ANK2: variants seen among roughly 807,000 people sequenced by gnomAD.
ANK2 encodes ankyrin-2.
Under a neutral mutation model 360.5 loss-of-function variants are expected in ANK2, and 83 were observed. The ratio of observed to expected loss-of-function variants is 0.23; its 90% CI spans 0.19 to 0.28. ANK2 has a LOEUF of 0.28. ANK2 is among the 10% of genes least tolerant of loss of function. The pLI, the probability that ANK2 is intolerant of heterozygous loss-of-function variation, is 1.00. For missense variants in ANK2, 4,201 were observed against 4,795.7 expected (o/e 0.88, Z 3.66); for synonymous variants, 1,740 against 1,759.5 (o/e 0.99, Z 0.28).
At chr4:112,844,159 G>A (rs1185712210) in intron 1 of ANK2, among the ~76,000 whole-genome samples, 1 of 152,094 alleles carries the variant, frequency 6.6e-6, no homozygotes, top group Non-Finnish European at 1.5e-5. Context: ...TCCCTATTTT[G>A]AGAAGGTAAA....
the ANK2 span, among the ~76,000 whole-genome samples, chr4:112,713,381 C>A: frequency 6.6e-6 from 1 of 152,150 alleles, no homozygotes; most frequent in Non-Finnish European, 1.5e-5. Context: ...AGCAGCCTGA[C>A]CAACATGGAG....
At chr4:113,323,557 TATA>T (rs1317433626) in intron 26 of ANK2, among the ~76,000 whole-genome samples, 1 of 152,160 alleles carries the variant, frequency 6.6e-6, no homozygotes, top group East Asian at 1.9e-4. Context: ...CCAGTGATTT[TATA>T]ATATCCCCAG....
chr4:113,295,658 A>G (rs974651123), intron 22 of ANK2, among the ~76,000 whole-genome samples: 2 of 152,154 alleles, frequency 1.3e-5, no homozygotes, highest in Non-Finnish European at 2.9e-5. Context: ...CTTAGAATTC[A>G]AGTTTCTAGG....
At chr4:113,100,475 C>T (rs1363609760) in intron 1 of ANK2, among the ~76,000 whole-genome samples, 4 of 152,054 alleles carry the variant, frequency 2.6e-5, no homozygotes, top group African/African-American at 9.7e-5. Flanking sequence ...ACTGGCAATA[C>T]TGAATGCTGG....
At chr4:112,997,136 A>T (rs2048836440) in intron 2 of ANK2, among the ~76,000 whole-genome samples, 2 of 152,144 alleles carry the variant, frequency 1.3e-5, no homozygotes, top group African/African-American at 4.8e-5. Context: ...TTGACAAATA[A>T]ACATTGTATA....
At chr4:112,742,978 C>T in the ANK2 span, among the ~76,000 whole-genome samples, 8 of 152,136 alleles carry the variant, frequency 5.3e-5, no homozygotes, top group Non-Finnish European at 1.0e-4. Context: ...TTCTGAGATC[C>T]GTCAGGACTA....
the ANK2 span, among the ~76,000 whole-genome samples, chr4:112,757,111 TC>T: frequency 2.0e-5 from 3 of 150,744 alleles, no homozygotes; most frequent in Non-Finnish European, 4.4e-5. Context: ...ACTTTTCTTT[TC>T]TTTTTTTTTT....
intron 37 of ANK2, among the ~76,000 whole-genome samples, chr4:113,351,055 A>T (rs1466690470): frequency 6.6e-6 from 1 of 152,126 alleles, no homozygotes; most frequent in Non-Finnish European, 1.5e-5. Flanking sequence ...TTAAGATTTT[A>T]GTTTGTTGGA....
chr4:113,002,039 T>C (rs1448908596), intron 2 of ANK2, among the ~76,000 whole-genome samples: 1 of 151,980 alleles, frequency 6.6e-6, no homozygotes, highest in Admixed American at 6.6e-5. Context: ...TTATTATTAT[T>C]TTACTTTAAG....
chr4:112,788,506 C>T, the ANK2 span: 3 of 1,580,180 alleles, frequency 1.9e-6, no homozygotes, highest in Admixed American at 1.7e-5. Context: ...TGGGGACGTC[C>T]CCTTTGCCAG....
At chr4:113,099,352 C>T (rs977981031) in intron 1 of ANK2, among the ~76,000 whole-genome samples, 2 of 151,810 alleles carry the variant, frequency 1.3e-5, no homozygotes, top group Admixed American at 6.6e-5. Flanking sequence ...AGCTGATTTC[C>T]TATATACCAT....
intron 2 of ANK2, among the ~76,000 whole-genome samples, chr4:112,961,026 A>G (rs1582007000): frequency 1.3e-5 from 2 of 151,948 alleles, no homozygotes; most frequent in African/African-American, 4.8e-5. Context: ...CTATATTAAA[A>G]ATTCTTTAGT....
chr4:112,708,047 C>T, the ANK2 span, among the ~76,000 whole-genome samples: 5 of 152,168 alleles, frequency 3.3e-5, no homozygotes, highest in African/African-American at 1.2e-4. Flanking sequence ...TCCAGTCTAC[C>T]TGATTCATCC....
intron 14 of ANK2, among the ~76,000 whole-genome samples, chr4:113,273,640 A>G (rs1033369278): frequency 8.5e-5 from 13 of 152,308 alleles, no homozygotes; most frequent in Admixed American, 7.8e-4. Flanking sequence ...TTTTATCACT[A>G]AAGTTACACT....
At chr4:112,780,361 A>G in the ANK2 span, among the ~76,000 whole-genome samples, 1 of 152,194 alleles carries the variant, frequency 6.6e-6, no homozygotes, top group Non-Finnish European at 1.5e-5. Context: ...TATTGCTGGC[A>G]CACCAGTAAG....
In ANK2 at chr4:112,967,329, C is replaced by T. The variant is rs1222204899; in HGVS notation, c.21+62815C>T. Among the ~76,000 whole-genome samples, 5 of 152,276 alleles carry T rather than the reference C, an allele frequency of 3.3e-5. 1 individual carries two copies. Among genetic ancestry groups the T allele is most frequent in the Admixed American group, 3.3e-4 (5 of 15,292 alleles). ...CTAAATCTTTCCTTTTACAAGTGAG[C>T]AAAATGATGCTGAAGGAAGTTAAAC... is the stretch of plus-strand genomic sequence containing the variant. On this transcript the variant is annotated intron_variant, in intron 2 of 30. Coordinates refer to the ANK2 transcript ENST00000503271.
intron 1 of ANK2, among the ~76,000 whole-genome samples, chr4:113,108,722 G>A (rs2093951326): frequency 6.6e-6 from 1 of 151,990 alleles, no homozygotes; most frequent in Non-Finnish European, 1.5e-5. Flanking sequence ...TAAGCTATGT[G>A]TATCACAGGA....
At chr4:112,927,649 A>G (rs1197523362) in intron 2 of ANK2, among the ~76,000 whole-genome samples, 1 of 152,226 alleles carries the variant, frequency 6.6e-6, no homozygotes, top group African/African-American at 2.4e-5. Flanking sequence ...ATTTGTCAAG[A>G]AAAATCAAGT....
chr4:112,991,782 G>A (rs2046925787), intron 2 of ANK2, among the ~76,000 whole-genome samples: 1 of 151,700 alleles, frequency 6.6e-6, no homozygotes, highest in South Asian at 2.1e-4. Flanking sequence ...ACTTTGTTTA[G>A]CAATTCCCTC....
Sources: gnomAD v4.1 joint callset for allele counts (sites outside exome capture counted in the v4.1 genomes callset) on GRCh38, gnomAD v4.1.1 for gene constraint, MANE v1.5 for transcripts, NCBI Gene and HGNC (gene_info 2026-07-23, HGNC 2026-07-21) for gene names.